Variants in PRKCA observed in about 807,000 individuals in gnomAD.
PRKCA encodes protein kinase C alpha.
PRKCA carries 27 observed loss-of-function variants against 87.0 expected under a neutral mutation model. That is an observed-to-expected ratio of 0.31 (90% CI 0.23 to 0.43). The LOEUF is 0.43. PRKCA is among the 20% of genes least tolerant of loss of function. The pLI, the probability that PRKCA is intolerant of heterozygous loss-of-function variation, is 1.00. For synonymous variants in PRKCA, 329 were observed against 311.1 expected (o/e 1.06, Z -0.61); for missense variants, 518 against 852.3 (o/e 0.61, Z 4.88).
At chr17:66,756,209 C>A (rs1396121163) in intron 13 of PRKCA, among the ~76,000 whole-genome samples, 1 of 152,152 alleles carries the variant, frequency 6.6e-6, no homozygotes, top group East Asian at 1.9e-4. Context: ...CAGAGCATCC[C>A]GTTCTTCTTA....
chr17:66,509,779 G>C (rs879383294), intron 3 of PRKCA, among the ~76,000 whole-genome samples: 2 of 152,160 alleles, frequency 1.3e-5, no homozygotes, highest in Non-Finnish European at 2.9e-5. Context: ...GTAACCATTT[G>C]CCACAGGCAG....
intron 13 of PRKCA, among the ~76,000 whole-genome samples, chr17:66,744,740 T>C (rs1974235639): frequency 6.6e-6 from 1 of 152,218 alleles, no homozygotes; most frequent in African/African-American, 2.4e-5. Context: ...TTTATTATCA[T>C]GTGGTTCCGG....
intron 2 of PRKCA, among the ~76,000 whole-genome samples, chr17:66,462,798 C>T (rs935834644): frequency 4.6e-5 from 7 of 152,138 alleles, no homozygotes; most frequent in African/African-American, 2.4e-5. Context: ...GAAATGTCCT[C>T]CTGCAGAGAA....
rs144793878 is a variant in PRKCA at position 66,502,423 on chromosome 17, C to T, written c.288+6140C>T. Among the ~76,000 whole-genome samples, 37 of 152,028 alleles carry T rather than the reference C, an allele frequency of 2.4e-4. No homozygotes were observed. In the East Asian group the frequency reaches 6.6e-3, roughly 27 times the overall value. On this transcript the variant is annotated intron_variant, in intron 3 of 16. Coordinates refer to ENST00000413366, the MANE Select transcript of PRKCA (RefSeq NM_002737.3). Reference sequence around the variant, plus strand: ...CTAATTTTTGTATTTTTAGTAGAGACGGAGTTTCACCGTGTTGGCCAGGCT... The same window carrying T: ...CTAATTTTTGTATTTTTAGTAGAGATGGAGTTTCACCGTGTTGGCCAGGCT...
At chr17:66,745,713 TTC>T (rs1268131926) in intron 13 of PRKCA, among the ~76,000 whole-genome samples, 1 of 152,086 alleles carries the variant, frequency 6.6e-6, no homozygotes, top group East Asian at 1.9e-4. Flanking sequence ...ACAATAAACC[TTC>T]TCTCATTTAA....
chr17:66,665,220 G>A (rs143472562), intron 5 of PRKCA, among the ~76,000 whole-genome samples: 22 of 152,122 alleles, frequency 1.4e-4, no homozygotes, highest in Non-Finnish European at 2.4e-4. Flanking sequence ...ATACTTAAAC[G>A]GTTCCTATTG....
At chr17:66,742,584 C>T in intron 12 of PRKCA, 38 bp from the exon 13 acceptor site, 1 of 1,606,616 alleles carries the variant, frequency 6.2e-7, no homozygotes, top group Non-Finnish European at 8.5e-7. Flanking sequence ...CATGTTATGT[C>T]ATGGGAAGGA....
At chr17:66,693,514 T>C (rs571410129) in intron 8 of PRKCA, among the ~76,000 whole-genome samples, 1 of 152,316 alleles carries the variant, frequency 6.6e-6, no homozygotes, top group East Asian at 1.9e-4. Flanking sequence ...GAGCTTATCA[T>C]ATCCCCTGTG....
At chr17:66,728,634 A>G (rs369042061) in intron 8 of PRKCA, among the ~76,000 whole-genome samples, 1 of 152,248 alleles carries the variant, frequency 6.6e-6, no homozygotes, top group East Asian at 1.9e-4. Context: ...TAACCAGACT[A>G]ATATGATAAC....
intron 2 of PRKCA, among the ~76,000 whole-genome samples, chr17:66,444,436 T>G (rs978709200): frequency 9.9e-5 from 15 of 152,174 alleles, no homozygotes; most frequent in African/African-American, 3.6e-4. Context: ...CTATGATGGC[T>G]GGGGGTGTGG....
chr17:66,323,502 G>A (rs1394801579), intron 2 of PRKCA, among the ~76,000 whole-genome samples: 3 of 152,164 alleles, frequency 2.0e-5, no homozygotes, highest in African/African-American at 7.2e-5. Flanking sequence ...CATCTACTGA[G>A]TGCTACTTGT....
rs561907368 is a variant in PRKCA at position 66,443,572 on chromosome 17, G to A, written c.206-52629G>A. On this transcript the variant is annotated intron_variant, in intron 2 of 16. Transcript: ENST00000413366. ...TGCAGGTAAATGTCTGTTATGGTGAGTGACATGGTGGCATGTTGGGCTCTA... is the reference window on the plus strand; with the variant it reads ...TGCAGGTAAATGTCTGTTATGGTGAATGACATGGTGGCATGTTGGGCTCTA... Among the ~76,000 whole-genome samples, 47 of 152,302 alleles carry A rather than the reference G, an allele frequency of 3.1e-4. 2 individuals carry two copies. Among genetic ancestry groups the A allele is most frequent in the Admixed American group, 2.9e-3 (44 of 15,296 alleles).
intron 5 of PRKCA, among the ~76,000 whole-genome samples, chr17:66,681,870 G>T (rs1240390988): frequency 6.6e-6 from 1 of 152,196 alleles, no homozygotes; most frequent in Non-Finnish European, 1.5e-5. Context: ...AGCGCACCTT[G>T]CTTCTCTCAG....
At chr17:66,674,678 G>A (rs16959935) in intron 5 of PRKCA, among the ~76,000 whole-genome samples, 21,968 of 152,192 alleles carry the variant, frequency 0.14, 1,909 homozygotes, top group East Asian at 0.29. Flanking sequence ...CATGTTGGGA[G>A]CCTAAAAGAT....
rs544804400 is a variant in PRKCA, at chr17:66,439,439, C to T, written c.206-56762C>T. ...TTGTGATCTGCCTGCCTTGCCCTCC[C>T]GAAGTGCTGGGATTACAGGCATGAG... On this transcript the variant is annotated intron_variant, in intron 2 of 16. Transcript: ENST00000413366. Among the ~76,000 whole-genome samples, 8 of 152,326 alleles carry T rather than the reference C, an allele frequency of 5.3e-5. No homozygotes were observed. The East Asian group carries it at 9.7e-4, about 18-fold the overall frequency.
rs568529774 is a variant in PRKCA, at chr17:66,766,156, G to A, written c.1525-7831G>A. On this transcript the variant is annotated intron_variant, in intron 13 of 16. Coordinates refer to ENST00000413366, the MANE Select transcript of PRKCA (RefSeq NM_002737.3). ...TGTCACGAGAAAAACGAGCCTTGGC[G>A]CTTGGCATTCTGCTTTTGGTAAGCC... Among the ~76,000 whole-genome samples the A allele has an allele frequency of 2.6e-5, 4 of 152,338 alleles. No individual in the cohort carries two copies. The South Asian group carries it at 8.3e-4, about 32-fold the overall frequency.
chr17:66,471,019 G>GT (rs201499980), intron 2 of PRKCA, among the ~76,000 whole-genome samples: 9,410 of 144,444 alleles, frequency 0.065, 986 homozygotes, highest in African/African-American at 0.22. Context: ...TTTTAGTTTA[G>GT]TTTTTTTTTT....
intron 8 of PRKCA, among the ~76,000 whole-genome samples, chr17:66,711,624 T>C (rs1030665384): frequency 2.0e-5 from 3 of 152,160 alleles, no homozygotes; most frequent in African/African-American, 7.2e-5. Flanking sequence ...GTGTTCGTAA[T>C]TAAAATCAGC....
At chr17:66,719,407 T>C (rs1973557631) in intron 8 of PRKCA, among the ~76,000 whole-genome samples, 1 of 152,232 alleles carries the variant, frequency 6.6e-6, no homozygotes, top group Admixed American at 6.5e-5. Context: ...CAGAATGTTA[T>C]TAATGATTAC....
Sources: allele counts gnomAD v4.1 joint callset (sites outside exome capture counted in the v4.1 genomes callset), GRCh38; gene constraint gnomAD v4.1.1; transcripts MANE v1.5; gene names NCBI Gene and HGNC (gene_info 2026-07-23, HGNC 2026-07-21).